Variants in SPAG16 observed in about 807,000 individuals in gnomAD.
The protein encoded by SPAG16 is sperm-associated antigen 16 protein.
SPAG16 carries 86 observed loss-of-function variants against 80.4 expected under a neutral mutation model. The observed-to-expected ratio is 1.07, with a 90% CI of 0.90 to 1.28. SPAG16 has a LOEUF of 1.28. Ranked by LOEUF, SPAG16 falls within the 50% of genes most tolerant of loss-of-function variation. The pLI is 0.00. For synonymous variants in SPAG16, 294 were observed against 265.9 expected (o/e 1.11, Z -1.03); for missense variants, 870 against 765.3 (o/e 1.14, Z -1.61).
At chr2:214,120,524 C>A (rs1033216440) in intron 14 of SPAG16, among the ~76,000 whole-genome samples, 49 of 151,882 alleles carry the variant, frequency 3.2e-4, no homozygotes, top group African/African-American at 1.1e-3. Flanking sequence ...TAGAAACCTG[C>A]ACTAGCATTT....
At chr2:213,762,359 TTA>T (rs1429897168) in intron 10 of SPAG16, among the ~76,000 whole-genome samples, 3 of 152,148 alleles carry the variant, frequency 2.0e-5, no homozygotes, top group Admixed American at 6.5e-5. Context: ...GGCTGATAAA[TTA>T]TATGTTATGT....
In SPAG16 at chr2:213,833,476, A is replaced by C. The variant is rs1243282544; in HGVS notation, c.1071-29009A>C. 1.6e-3 allele frequency among the ~76,000 whole-genome samples: 8 copies of C among 5,020 alleles called. 4 individuals are homozygous for C. The highest frequency in any genetic ancestry group is 3.5e-3 in the Non-Finnish European group (8 of 2,294). 3.3% of individuals were successfully genotyped at this position (5,020 alleles called of 152,430 possible). On this transcript the variant is annotated intron_variant, in intron 10 of 15. Transcript: ENST00000331683. ...ATATTATATATATATTATATATAATAATATATATATTATATATAATATATA... is the reference window on the plus strand; with the variant it reads ...ATATTATATATATATTATATATAATCATATATATATTATATATAATATATA...
At chr2:213,488,888 C>A (rs1463986584) in intron 9 of SPAG16, among the ~76,000 whole-genome samples, 1 of 151,586 alleles carries the variant, frequency 6.6e-6, no homozygotes, top group African/African-American at 2.4e-5. Flanking sequence ...ACCAGCCTGG[C>A]CAATATGGTG....
intron 11 of SPAG16, among the ~76,000 whole-genome samples, chr2:213,913,460 A>G (rs1345074554): frequency 1.3e-5 from 2 of 151,548 alleles, no homozygotes; most frequent in Admixed American, 1.3e-4. Flanking sequence ...TGCCAGAGAA[A>G]TATAATAGAA....
chr2:213,425,818 A>G (rs1395267393), intron 9 of SPAG16, among the ~76,000 whole-genome samples: 1 of 152,194 alleles, frequency 6.6e-6, no homozygotes, highest in Admixed American at 6.5e-5. Context: ...TCACATGCTG[A>G]CATGACATTT....
At chr2:214,070,532 G>A (rs565914120) in intron 13 of SPAG16, among the ~76,000 whole-genome samples, 1 of 151,852 alleles carries the variant, frequency 6.6e-6, no homozygotes, top group African/African-American at 2.4e-5. Context: ...TTTCTAGTCG[G>A]TTCCAGCCAT....
chr2:213,652,108 CA>C, intron 10 of SPAG16, among the ~76,000 whole-genome samples: 1 of 152,234 alleles, frequency 6.6e-6, no homozygotes, highest in Middle Eastern at 3.4e-3. Flanking sequence ...AGCCTAAAAT[CA>C]AATGTCAGCA....
At chr2:213,804,533 A>T (rs1399732557) in intron 10 of SPAG16, among the ~76,000 whole-genome samples, 2 of 152,134 alleles carry the variant, frequency 1.3e-5, no homozygotes, top group African/African-American at 4.8e-5. Context: ...AATACAAAAA[A>T]TTAGTTGGGC....
chr2:213,924,295 C>T (rs892997233), intron 11 of SPAG16, among the ~76,000 whole-genome samples: 1 of 152,202 alleles, frequency 6.6e-6, no homozygotes, highest in African/African-American at 2.4e-5. Context: ...CAGCTGGGGG[C>T]CAGGCAGATT....
chr2:214,004,437 A>G (rs2046937200), intron 12 of SPAG16, among the ~76,000 whole-genome samples: 1 of 152,144 alleles, frequency 6.6e-6, no homozygotes, highest in African/African-American at 2.4e-5. Flanking sequence ...ACATTTTAAG[A>G]GAATGGCTTT....
intron 10 of SPAG16, among the ~76,000 whole-genome samples, chr2:213,758,948 C>G (rs538039164): frequency 6.6e-6 from 1 of 152,146 alleles, no homozygotes; most frequent in Non-Finnish European, 1.5e-5. Context: ...AAGGAATAAT[C>G]AGTAAGATTA....
intron 10 of SPAG16, among the ~76,000 whole-genome samples, chr2:213,638,399 T>C (rs2062452891): frequency 6.6e-6 from 1 of 152,140 alleles, no homozygotes; most frequent in South Asian, 2.1e-4. Flanking sequence ...ACTATTTTCT[T>C]AGCAGGGATT....
intron 12 of SPAG16, among the ~76,000 whole-genome samples, chr2:213,974,964 A>AAAAAAAAAC (rs1479884791): frequency 1.4e-5 from 2 of 147,588 alleles, no homozygotes; most frequent in Admixed American, 6.7e-5. Flanking sequence ...AAAAAAAAAA[A>AAAAAAAAAC]ACACAAAATG....
chr2:213,716,043 A>G (rs896795264), intron 10 of SPAG16, among the ~76,000 whole-genome samples: 1 of 152,124 alleles, frequency 6.6e-6, no homozygotes, highest in Non-Finnish European at 1.5e-5. Flanking sequence ...CAAAGATTTC[A>G]TGGGAATTTT....
chr2:213,684,155 G>A (rs1488956215), intron 10 of SPAG16, among the ~76,000 whole-genome samples: 1 of 152,134 alleles, frequency 6.6e-6, no homozygotes, highest in Non-Finnish European at 1.5e-5. Flanking sequence ...GTCAACACTG[G>A]CATTTCATTA....
chr2:213,833,566 A>ATTATATATATTATATATT (rs1491310920), intron 10 of SPAG16, among the ~76,000 whole-genome samples: 9 of 11,362 alleles, frequency 7.9e-4, no homozygotes, highest in South Asian at 3.6e-3. Flanking sequence ...TAATATATAT[A>ATTATATATATTATATATT]ATATATATAT....
intron 10 of SPAG16, among the ~76,000 whole-genome samples, chr2:213,630,298 C>T (rs917391787): frequency 2.6e-5 from 4 of 151,792 alleles, no homozygotes; most frequent in East Asian, 1.9e-4. Context: ...GCAGGAGAAT[C>T]GCTTGAACCT....
chr2:214,022,741 G>A (rs544772033), intron 13 of SPAG16, among the ~76,000 whole-genome samples: 1 of 151,728 alleles, frequency 6.6e-6, no homozygotes, highest in Admixed American at 6.6e-5. Flanking sequence ...TCTTACCATG[G>A]TGTTTCTTCT....
chr2:214,183,880 T>A (rs2057385221), intron 15 of SPAG16, among the ~76,000 whole-genome samples: 1 of 152,072 alleles, frequency 6.6e-6, no homozygotes, highest in South Asian at 2.1e-4. Flanking sequence ...CACAAGTGGT[T>A]GAGGCAAATT....
Sources: gnomAD v4.1 joint callset for allele counts (sites outside exome capture counted in the v4.1 genomes callset) on GRCh38, gnomAD v4.1.1 for gene constraint, MANE v1.5 for transcripts, NCBI Gene and HGNC (gene_info 2026-07-23, HGNC 2026-07-21) for gene names.